PCDHGA10: variants seen among roughly 807,000 people sequenced by gnomAD.
PCDHGA10 encodes protocadherin gamma subfamily A, 10, also known as protocadherin gamma-A10.
In PCDHGA10, 42 loss-of-function variants were observed where a neutral mutation model predicts 59.5. The observed-to-expected ratio is 0.71, with a 90% confidence interval of 0.55 to 0.91. PCDHGA10 has a LOEUF of 0.91. PCDHGA10 is among the 40% of genes least tolerant of loss of function. The pLI is 0.00. For missense variants in PCDHGA10, 1,111 were observed against 1,198.2 expected, an observed-to-expected ratio of 0.93 and a Z score of 1.07; for synonymous variants, 511 against 517.2, an observed-to-expected ratio of 0.99 and a Z score of 0.16.
rs774769957 is a variant in PCDHGA10 at position 141,414,949 on chromosome 5, G to C, written c.1774G>C (p.Val592Leu). The change falls in exon 1 of 4, where the codon GTG becomes CTG. Residue 592 changes from valine to leucine, a missense_variant. Val to Leu is a conservative substitution (Grantham distance 32, BLOSUM62 1). Transcript: ENST00000398610. ...APRSAEPGYLVTKVVAVDRDS... is the reference protein window; with the variant it reads ...APRSAEPGYLLTKVVAVDRDS... ...CCGCTCCGCAGAGCCCGGCTACCTG[G>C]TGACCAAGGTGGTGGCGGTGGACAG... The C allele has an allele frequency of 8.1e-6, 13 of 1,613,978 alleles. No individual in the cohort carries two copies. The highest frequency in any genetic ancestry group is 1.3e-5 in the African/African-American group (1 of 74,958).
Position 141,491,000 on chromosome 5 carries a change from C to T in PCDHGA10, c.2437-3807C>T. 6.2e-7 allele frequency: 1 copy of T among 1,614,142 alleles called. No homozygotes were observed. The highest frequency in any genetic ancestry group is 1.1e-5 in the South Asian group (1 of 91,086). On this transcript the variant is annotated intron_variant, in intron 1 of 3. Transcript: ENST00000398610. The surrounding 1 kb of genome is among the most constrained non-coding windows in gnomAD (Gnocchi z 5.4). ...CTCCCTCGCTCTGCTCCTCCTGGCTCCTTGGTCACCAAGGTGACAGCCGTG... is the reference window on the plus strand; with the variant it reads ...CTCCCTCGCTCTGCTCCTCCTGGCTTCTTGGTCACCAAGGTGACAGCCGTG...
At chr5:141,447,976 C>T (rs774074042) in intron 1 of PCDHGA10, among the ~76,000 whole-genome samples, 18 of 151,938 alleles carry the variant, frequency 1.2e-4, no homozygotes, top group Non-Finnish European at 2.5e-4. Flanking sequence ...ATCCCAGCTA[C>T]TCGGGAGGCT....
rs1182148013 is a variant in PCDHGA10, at chr5:141,431,510, G to C, written c.2436+15899G>C. On this transcript the variant is annotated intron_variant, in intron 1 of 3. Transcript: ENST00000398610. This position sits in a 1 kb window ranked among gnomAD's most constrained non-coding sequence, Gnocchi z 4.8. ...TGCTCAGCCCGAGTACCGCGCGAGC[G>C]TTCCGGAGAATCTGGCCTTGGGCAC... 6.2e-7 allele frequency: 1 copy of C among 1,614,022 alleles called. No homozygotes were observed. The highest frequency in any genetic ancestry group is 8.5e-7 in the Non-Finnish European group (1 of 1,180,026).
chr5:141,478,685 A>G, intron 1 of PCDHGA10: 3 of 1,551,308 alleles, frequency 1.9e-6, no homozygotes, highest in Non-Finnish European at 2.6e-6. Context: ...GGCCCTTCCT[A>G]GATCAAAGTT....
chr5:141,444,238 C>T (rs1011385887), intron 1 of PCDHGA10, among the ~76,000 whole-genome samples: 6 of 125,052 alleles, frequency 4.8e-5, no homozygotes, highest in Non-Finnish European at 9.4e-5. Context: ...ATGGCATGCT[C>T]TCGGCTCACT....
intron 1 of PCDHGA10, among the ~76,000 whole-genome samples, chr5:141,474,404 G>A (rs1014003488): frequency 4.6e-5 from 7 of 152,156 alleles, no homozygotes; most frequent in East Asian, 1.9e-4. Context: ...CAAGCTCCCC[G>A]GTGATGCCTA....
In PCDHGA10 at chr5:141,414,883, G is replaced by A. The variant is rs572616023; in HGVS notation, c.1708G>A (p.Ala570Thr). Reference sequence around the variant, plus strand: ...CAATGCGCCCGAGATCCTGTACCCCGCCCTCCCCACAGACGGTTCCACAGG... The same window carrying A: ...CAATGCGCCCGAGATCCTGTACCCCACCCTCCCCACAGACGGTTCCACAGG... ...NDNAPEILYPALPTDGSTGVE... is the reference protein window; with the variant it reads ...NDNAPEILYPTLPTDGSTGVE... Residue 570 changes from alanine to threonine, a missense_variant, in exon 1 of 4, where the codon GCC (alanine) becomes ACC (threonine). Physicochemically the swap from Ala to Thr is moderately conservative, Grantham distance 58. Transcript: ENST00000398610. 6.2e-7 allele frequency: 1 copy of A among 1,614,176 alleles called. No homozygotes were observed. The highest frequency in any genetic ancestry group is 1.1e-5 in the South Asian group (1 of 91,082).
In PCDHGA10 at chr5:141,465,057, A is replaced by T. The variant is rs1253395484; in HGVS notation, c.2437-29750A>T. 3.3e-5 allele frequency among the ~76,000 whole-genome samples: 5 copies of T among 151,646 alleles called. No homozygotes were observed. The East Asian group carries it at 9.6e-4, about 29-fold the overall frequency. ...ACAAATGACCCTATATATTTTTTTG[A>T]ATTGTCTGTTCATGTCTTATTTTCA... On this transcript the variant is annotated intron_variant, in intron 1 of 3. Coordinates refer to ENST00000398610, the MANE Select transcript of PCDHGA10 (RefSeq NM_018913.3).
chr5:141,494,921 A>C (rs1345734925), intron 2 of PCDHGA10, 56 bp downstream of exon 2: 6 of 1,613,556 alleles, frequency 3.7e-6, no homozygotes, highest in Non-Finnish European at 5.1e-6. Flanking sequence ...CTCAGGGATG[A>C]CGTGGGAGGA....
intron 1 of PCDHGA10, chr5:141,418,636 C>G (rs564881404): frequency 6.2e-7 from 1 of 1,613,980 alleles, no homozygotes; most frequent in South Asian, 1.1e-5. Context: ...CTCCAGGCAC[C>G]TCCATCCTGA....
Position 141,489,195 on chromosome 5 carries a change from A to G in PCDHGA10, c.2437-5612A>G, listed in dbSNP as rs200660227. ...ATTCCAAGCCCTGGGTCTACCTTGG[A>G]GACAGGACAGCACAGACTTACTCTC... is the stretch of plus-strand genomic sequence containing the variant. On this transcript the variant is annotated intron_variant, in intron 1 of 3. Transcript: ENST00000398610. This position sits in a 1 kb window ranked among gnomAD's most constrained non-coding sequence, Gnocchi z 4.5. 1.8e-5 allele frequency: 25 copies of G among 1,383,116 alleles called. No individual in the cohort carries two copies. The East Asian group carries it at 4.8e-4, about 27-fold the overall frequency. 85.7% of individuals were successfully genotyped at this position (1,383,116 alleles called of 1,614,324 possible). A position where few individuals can be genotyped will look rare whatever the true frequency, so the allele number is the denominator to read the frequency against.
At chr5:141,480,894 C>CA (rs1235468010) in intron 1 of PCDHGA10, among the ~76,000 whole-genome samples, 15 of 151,848 alleles carry the variant, frequency 9.9e-5, no homozygotes, top group African/African-American at 3.4e-4. Context: ...AAAATGCAAA[C>CA]ATTAGCTGGG....
chr5:141,478,102 C>T, intron 1 of PCDHGA10: 1 of 1,614,126 alleles, frequency 6.2e-7, no homozygotes, highest in South Asian at 1.1e-5. Flanking sequence ...CTGCTACCCT[C>T]ACTGTGTCAG....
intron 1 of PCDHGA10, among the ~76,000 whole-genome samples, chr5:141,463,736 G>A (rs757788192): frequency 1.3e-5 from 2 of 151,992 alleles, no homozygotes; most frequent in East Asian, 3.9e-4. Flanking sequence ...ATGAGCCACC[G>A]CGCCCGGCCT....
Position 141,415,348 on chromosome 5 carries a change from A to G in PCDHGA10, c.2173A>G (p.Lys725Glu), listed in dbSNP as rs561851810. ...GGCGCACAGGCTGCGGCGCTGGCAC[A>G]AGTCACGCCTGCTGCAGGCTTCAGG... ...LLAHRLRRWH[K>E]SRLLQASGGG... Residue 725 changes from lysine to glutamate, a missense_variant, in exon 1 of 4, where the codon AAG becomes GAG. Transcript: ENST00000398610. The G allele has an allele frequency of 3.1e-6, 5 of 1,614,222 alleles. 1 individual carries two copies. The highest frequency in any genetic ancestry group is 1.6e-4 in the Middle Eastern group (1 of 6,062).
At chr5:141,462,144 G>A (rs984269848) in intron 1 of PCDHGA10, among the ~76,000 whole-genome samples, 1 of 152,042 alleles carries the variant, frequency 6.6e-6, no homozygotes, top group South Asian at 2.1e-4. Context: ...ATTTTTAGTA[G>A]AGATGGGGTT....
At chr5:141,419,227 C>G in intron 1 of PCDHGA10, 1 of 1,614,024 alleles carries the variant, frequency 6.2e-7, no homozygotes, top group South Asian at 1.1e-5. Flanking sequence ...GACAGTCAGC[C>G]TACCTGGTCC....
intron 1 of PCDHGA10, chr5:141,421,221 G>A (rs746753262): frequency 6.3e-7 from 1 of 1,576,508 alleles, no homozygotes; most frequent in Non-Finnish European, 8.6e-7. Context: ...TCGGCTTAGA[G>A]CCTGCCATGG....
At chr5:141,502,862 CTGTCT>C (rs2099816366) in intron 2 of PCDHGA10, among the ~76,000 whole-genome samples, 2 of 68,560 alleles carry the variant, frequency 2.9e-5, no homozygotes, top group Admixed American at 3.3e-4. Flanking sequence ...CCCTGACTCT[CTGTCT>C]TTTTTTTTTT....
Sources: gnomAD v4.1 joint callset for allele counts (sites outside exome capture counted in the v4.1 genomes callset) on GRCh38, gnomAD v4.1.1 for gene constraint, Gnocchi (gnomAD v3.1) non-coding constraint, MANE v1.5 for transcripts, NCBI Gene and HGNC (gene_info 2026-07-23, HGNC 2026-07-21) for gene names.